Variants in RGS7 observed in about 807,000 individuals in gnomAD.
RGS7 encodes regulator of G protein signaling 7.
In RGS7, 27 loss-of-function variants were observed where a neutral mutation model predicts 81.1. The ratio of observed to expected loss-of-function variants is 0.33; its 90% CI spans 0.25 to 0.46. RGS7 has a LOEUF of 0.46. RGS7 is among the 20% of genes least tolerant of loss of function. RGS7 has a pLI of 1.00. For missense variants in RGS7, 396 were observed against 607.4 expected (o/e 0.65, Z 3.66); for synonymous variants, 208 against 207.7 (o/e 1.00, Z -0.01).
intron 2 of RGS7, among the ~76,000 whole-genome samples, chr1:241,209,231 T>A (rs576089029): frequency 1.3e-5 from 2 of 152,198 alleles, no homozygotes; most frequent in Non-Finnish European, 2.9e-5. Flanking sequence ...GGCACACAGA[T>A]GACACACTTA....
At chr1:241,011,706 G>A (rs2058964431) in intron 3 of RGS7, among the ~76,000 whole-genome samples, 1 of 152,122 alleles carries the variant, frequency 6.6e-6, no homozygotes, top group Admixed American at 6.5e-5. Context: ...AGACTTAGGA[G>A]TGTCCTGATA....
intron 4 of RGS7, among the ~76,000 whole-genome samples, chr1:240,944,036 AGAGTAGACCAGTCTAGATGTCTAAT>A (rs1348144665): frequency 1.3e-5 from 2 of 152,036 alleles, no homozygotes; most frequent in Non-Finnish European, 2.9e-5. Context: ...TTACACACAC[AGAGTAGACCAGTCTAGATGTCTAAT>A]GGCAGTTATG....
chr1:240,835,481 A>G (rs778524096), intron 9 of RGS7, among the ~76,000 whole-genome samples: 1 of 152,252 alleles, frequency 6.6e-6, no homozygotes, highest in Non-Finnish European at 1.5e-5. Context: ...ATTCTCATTC[A>G]TTGCCAGTGG....
chr1:241,125,620 C>A (rs1325899712), intron 2 of RGS7, among the ~76,000 whole-genome samples: 2 of 151,628 alleles, frequency 1.3e-5, no homozygotes, highest in African/African-American at 4.9e-5. Context: ...AATTATCATG[C>A]CAGTTGCTAA....
chr1:241,250,153 A>C (rs2076759423), intron 2 of RGS7, among the ~76,000 whole-genome samples: 2 of 152,188 alleles, frequency 1.3e-5, no homozygotes, highest in Admixed American at 1.3e-4. Flanking sequence ...TGTATTTCTT[A>C]ATCTTGATGG....
intron 6 of RGS7, among the ~76,000 whole-genome samples, chr1:240,916,118 A>T (rs888582554): frequency 6.6e-6 from 1 of 150,716 alleles, no homozygotes; most frequent in Non-Finnish European, 1.5e-5. Flanking sequence ...CCAAAAAAAA[A>T]AAAAAAAAAA....
At chr1:241,009,859 G>T (rs190271174) in intron 3 of RGS7, among the ~76,000 whole-genome samples, 2 of 152,308 alleles carry the variant, frequency 1.3e-5, no homozygotes, top group Admixed American at 1.3e-4. Flanking sequence ...TGGTATTTGG[G>T]GTAGTACCTA....
chr1:241,247,902 G>A (rs985097414), intron 2 of RGS7, among the ~76,000 whole-genome samples: 4 of 152,180 alleles, frequency 2.6e-5, no homozygotes, highest in Non-Finnish European at 5.9e-5. Context: ...TATGTAATCT[G>A]CAGTAATTGG....
intron 6 of RGS7, among the ~76,000 whole-genome samples, chr1:240,881,599 T>G (rs1317336257): frequency 1.3e-5 from 2 of 152,174 alleles, no homozygotes; most frequent in African/African-American, 4.8e-5. Flanking sequence ...ATTTAAAGAT[T>G]TAGACATTAG....
Position 240,776,003 on chromosome 1 carries a change from G to C in RGS7, c.*217C>G. 1.5e-6 allele frequency: 1 copy of C among 683,500 alleles called. No individual in the cohort carries two copies. The highest frequency in any genetic ancestry group is 1.6e-5 in the South Asian group (1 of 63,010). The allele number at this position is 683,500 out of a possible 1,614,324, so 42.3% of individuals were successfully genotyped here. Reference sequence around the variant, plus strand: ...AGTTTGGAATGGAGGCATTGAGACGGAAGAGTCCATTGGAGATGGAATGTA... The same window carrying C: ...AGTTTGGAATGGAGGCATTGAGACGCAAGAGTCCATTGGAGATGGAATGTA... On this transcript the variant is annotated 3_prime_UTR_variant, in exon 19 of 19. Coordinates refer to ENST00000440928, the MANE Select transcript of RGS7 (RefSeq NM_001364886.1).
chr1:240,790,265 C>T (rs1685759489), intron 18 of RGS7, among the ~76,000 whole-genome samples: 1 of 151,808 alleles, frequency 6.6e-6, no homozygotes, highest in Non-Finnish European at 1.5e-5. Context: ...AAAACAAAAA[C>T]AAAAAGGAAA....
intron 2 of RGS7, among the ~76,000 whole-genome samples, chr1:241,310,248 G>C (rs1261961414): frequency 1.3e-5 from 2 of 152,176 alleles, no homozygotes; most frequent in Non-Finnish European, 1.5e-5. Flanking sequence ...TCAAGAACTT[G>C]AGAAATTGAC....
chr1:240,847,707 T>C (rs894694559), intron 9 of RGS7, among the ~76,000 whole-genome samples: 1 of 152,208 alleles, frequency 6.6e-6, no homozygotes, highest in Non-Finnish European at 1.5e-5. Flanking sequence ...TGGAAGAGTA[T>C]GCCAAAAATC....
chr1:241,150,640 G>A (rs1449901622), intron 2 of RGS7, among the ~76,000 whole-genome samples: 1 of 152,126 alleles, frequency 6.6e-6, no homozygotes, highest in African/African-American at 2.4e-5. Context: ...TAGCCCCTGG[G>A]GTTTGGAAAC....
At chr1:240,779,136 T>TGA (rs958216156) in intron 18 of RGS7, among the ~76,000 whole-genome samples, 6 of 141,588 alleles carry the variant, frequency 4.2e-5, no homozygotes, top group Admixed American at 1.4e-4. Context: ...TGTGTGTGTG[T>TGA]GACAGTCTCA....
In RGS7 at chr1:241,248,409, T is replaced by C. The variant is rs186647929; in HGVS notation, c.78+107290A>G. Among the ~76,000 whole-genome samples, 519 of 148,166 alleles carry C rather than the reference T, an allele frequency of 3.5e-3. 2 individuals carry two copies. Among genetic ancestry groups the C allele is most frequent in the African/African-American group, 6.0e-3 (243 of 40,684 alleles). ...ATACATACATACATATGTATATATA[T>C]ATACATATATATATAATCAAATAAT... On this transcript the variant is annotated intron_variant, in intron 2 of 18. Coordinates refer to ENST00000440928, the MANE Select transcript of RGS7 (RefSeq NM_001364886.1).
At chr1:241,109,684 G>A (rs2065375934) in intron 2 of RGS7, among the ~76,000 whole-genome samples, 1 of 151,968 alleles carries the variant, frequency 6.6e-6, no homozygotes, top group Non-Finnish European at 1.5e-5. Flanking sequence ...CTGGCCGGGC[G>A]CAGTGGCTCA....
intron 18 of RGS7, among the ~76,000 whole-genome samples, chr1:240,779,449 C>G (rs1572036622): frequency 6.6e-6 from 1 of 152,128 alleles, no homozygotes; most frequent in South Asian, 2.1e-4. Flanking sequence ...ACCACTGCGT[C>G]AGGCCTAGTG....
chr1:241,348,386 A>C (rs764858247), intron 2 of RGS7, among the ~76,000 whole-genome samples: 1 of 152,174 alleles, frequency 6.6e-6, no homozygotes, highest in Non-Finnish European at 1.5e-5. Context: ...AAAAGCATCT[A>C]ATCTATTTAG....
Sources: allele counts gnomAD v4.1 joint callset (sites outside exome capture counted in the v4.1 genomes callset), GRCh38; gene constraint gnomAD v4.1.1; transcripts MANE v1.5; gene names NCBI Gene and HGNC (gene_info 2026-07-23, HGNC 2026-07-21).